Variants in SORBS2 observed in about 807,000 individuals in gnomAD.
SORBS2 encodes sorbin and SH3 domain containing 2, also known as sorbin and SH3 domain-containing protein 2.
In SORBS2, 46 loss-of-function variants were observed where a neutral mutation model predicts 97.7. The observed-to-expected ratio is 0.47, with a 90% confidence interval of 0.37 to 0.60. The LOEUF (loss-of-function observed/expected upper bound fraction) is 0.60, where lower values mean the gene tolerates loss of function less well. Among genes scored for constraint, SORBS2 ranks in the 20% least tolerant of loss-of-function variants. The pLI is 0.00. For synonymous variants in SORBS2, 476 were observed against 473.4 expected (o/e 1.01, Z -0.07); for missense variants, 1,316 against 1,282.3 (o/e 1.03, Z -0.40).
intron 2 of SORBS2, among the ~76,000 whole-genome samples, chr4:185,710,468 G>A (rs28523636): frequency 0.21 from 31,823 of 152,182 alleles, 3,918 homozygotes; most frequent in Non-Finnish European, 0.28. Context: ...GTTCTCAATC[G>A]ACTGTGTCTG....
At chr4:185,768,303 G>A (rs1017284019) in intron 2 of SORBS2, among the ~76,000 whole-genome samples, 5 of 152,132 alleles carry the variant, frequency 3.3e-5, no homozygotes, top group African/African-American at 9.7e-5. Context: ...ATGTTCTCAC[G>A]TCTATTTAAG....
intron 2 of SORBS2, among the ~76,000 whole-genome samples, chr4:185,693,899 G>A (rs190444421): frequency 3.2e-4 from 48 of 152,272 alleles, no homozygotes; most frequent in African/African-American, 1.1e-3. Context: ...AAATCCTTGA[G>A]GTTTTCATCT....
intron 1 of SORBS2, among the ~76,000 whole-genome samples, chr4:185,955,631 G>C (rs189534529): frequency 6.6e-6 from 1 of 152,154 alleles, no homozygotes; most frequent in Admixed American, 6.5e-5. Context: ...GATGACTTTC[G>C]GACGAGCACA....
At chr4:185,935,451 G>A (rs1227758404) in intron 1 of SORBS2, among the ~76,000 whole-genome samples, 1 of 152,188 alleles carries the variant, frequency 6.6e-6, no homozygotes, top group African/African-American at 2.4e-5. Context: ...GAGATATAAA[G>A]CAAGATAATG....
intron 2 of SORBS2, among the ~76,000 whole-genome samples, chr4:185,728,418 A>G (rs1007413823): frequency 6.6e-6 from 1 of 152,130 alleles, no homozygotes; most frequent in Non-Finnish European, 1.5e-5. Flanking sequence ...TTGCCATTCC[A>G]TCTAGCTCTA....
At chr4:185,652,978 C>T (rs1444321549) in intron 1 of SORBS2, among the ~76,000 whole-genome samples, 2 of 152,108 alleles carry the variant, frequency 1.3e-5, no homozygotes, top group East Asian at 3.8e-4. Context: ...TTTATTTTTT[C>T]AAGTTATAGC....
At chr4:185,652,604 C>A in intron 2 of SORBS2, 58 bp downstream of exon 10, 1 of 1,325,244 alleles carries the variant, frequency 7.5e-7, no homozygotes, top group Non-Finnish European at 1.1e-6. Context: ...ATGCAAAAGA[C>A]GAATGTAGTC....
At chr4:185,709,397 C>A (rs2098397440) in intron 2 of SORBS2, among the ~76,000 whole-genome samples, 1 of 147,820 alleles carries the variant, frequency 6.8e-6, no homozygotes, top group African/African-American at 2.5e-5. Context: ...TGGCAGGTTT[C>A]ATACAAAGAC....
chr4:185,901,747 A>G (rs994159449), intron 1 of SORBS2, among the ~76,000 whole-genome samples: 3 of 152,262 alleles, frequency 2.0e-5, no homozygotes, highest in African/African-American at 7.2e-5. Flanking sequence ...GGTTTCGAAC[A>G]ATGAATTACA....
At position 185,872,634 on chromosome 4, in the gene SORBS2, TAA is replaced by T. The variant is rs577919092; in HGVS notation, c.-338+83560_-338+83561del. ...CACAAGAAATTGCTTATCTTTTATC[TAA>T]GTTTTTCTAAGCCACCAGAGCCTAA... On this transcript the variant is annotated intron_variant, in intron 1 of 20. Transcript: ENST00000284776. Among the ~76,000 whole-genome samples the T allele has an allele frequency of 8.0e-3, 1,214 of 152,352 alleles. 6 individuals are homozygous for T. Among genetic ancestry groups the T allele is most frequent in the Non-Finnish European group, 0.013 (887 of 68,038 alleles).
chr4:185,945,341 T>G (rs958142847), intron 1 of SORBS2, among the ~76,000 whole-genome samples: 17 of 152,222 alleles, frequency 1.1e-4, no homozygotes, highest in Admixed American at 9.2e-4. Flanking sequence ...TTGGACAGCA[T>G]TATCAACAAA....
At chr4:185,587,402 A>G (rs2095812770) in exon 15 of SORBS2, 3 of 529,538 alleles carry the variant, frequency 5.7e-6, no homozygotes, top group Non-Finnish European at 1.0e-5. Flanking sequence ...AGCTTAGAGC[A>G]GGAAGTAGGA....
intron 4 of SORBS2, among the ~76,000 whole-genome samples, chr4:185,672,481 G>A (rs2097727610): frequency 6.6e-6 from 1 of 152,196 alleles, no homozygotes; most frequent in Non-Finnish European, 1.5e-5. Context: ...TGAGAACAAT[G>A]TGACATTTTT....
intron 1 of SORBS2, among the ~76,000 whole-genome samples, chr4:185,825,132 A>G (rs1490923687): frequency 6.6e-6 from 1 of 152,198 alleles, no homozygotes; most frequent in East Asian, 1.9e-4. Flanking sequence ...CAGTTACTGC[A>G]GCTTTCAAAG....
At chr4:185,737,041 T>C (rs1057287683) in intron 2 of SORBS2, among the ~76,000 whole-genome samples, 1 of 152,158 alleles carries the variant, frequency 6.6e-6, no homozygotes, top group African/African-American at 2.4e-5. Context: ...TGAATCTGAG[T>C]TTCTAACCTC....
At chr4:185,616,048 T>C (rs2096621131) in intron 9 of SORBS2, among the ~76,000 whole-genome samples, 1 of 152,242 alleles carries the variant, frequency 6.6e-6, no homozygotes, top group Admixed American at 6.5e-5. Context: ...CAATTATTCT[T>C]GGATGGAGGG....
intron 1 of SORBS2, among the ~76,000 whole-genome samples, chr4:185,940,155 T>C (rs1481178631): frequency 2.0e-5 from 3 of 152,108 alleles, no homozygotes; most frequent in African/African-American, 7.2e-5. Context: ...CCCTCCTCTC[T>C]CCTTTGGTGA....
At chr4:185,694,706 C>CTTTCTTTTT (rs1388020260) in intron 2 of SORBS2, among the ~76,000 whole-genome samples, 6 of 124,270 alleles carry the variant, frequency 4.8e-5, no homozygotes, top group African/African-American at 1.5e-4. Flanking sequence ...CCTTTTCTTT[C>CTTTCTTTTT]TTTTCTTTTC....
chr4:185,624,009 T>G (rs1489248585), exon 7 of SORBS2: 1 of 1,614,080 alleles, frequency 6.2e-7, no homozygotes, highest in African/African-American at 1.3e-5. Flanking sequence ...ACGGAGCAGA[T>G]CACCTCGGAG....
Sources: allele counts gnomAD v4.1 joint callset (sites outside exome capture counted in the v4.1 genomes callset), GRCh38; gene constraint gnomAD v4.1.1; transcripts MANE v1.5; gene names NCBI Gene and HGNC (gene_info 2026-07-23, HGNC 2026-07-21).